Variants in SSRP1 observed in about 807,000 individuals in gnomAD.
SSRP1 encodes the protein structure specific recognition protein 1.
Under a neutral mutation model 84.4 loss-of-function variants are expected in SSRP1, and 21 were observed. The observed-to-expected ratio is 0.25, with a 90% confidence interval of 0.18 to 0.36. The LOEUF (loss-of-function observed/expected upper bound fraction) is 0.36, where lower values mean the gene tolerates loss of function less well. Ranked by LOEUF, SSRP1 falls within the 10% of genes least tolerant of loss-of-function variation. The pLI is 1.00. For missense variants in SSRP1, 519 were observed against 900.8 expected (o/e 0.58, Z 5.43); for synonymous variants, 319 against 318.3 (o/e 1.00, Z -0.02).
intron 12 of SSRP1, 184 bp from the exon 13 acceptor site, chr11:57,328,610 T>C (rs1856030627): frequency 1.3e-6 from 1 of 791,854 alleles, no homozygotes; most frequent in Non-Finnish European, 1.9e-6. Context: ...GCTTCAGCCA[T>C]GCCCTCTCCA....
intron 15 of SSRP1, 101 bp from the exon 16 acceptor site, chr11:57,326,990 A>G: frequency 6.9e-7 from 1 of 1,449,216 alleles, no homozygotes; most frequent in Admixed American, 2.7e-5. Context: ...TCCCAGCCAC[A>G]CAGCCCATTT....
Position 57,332,247 on chromosome 11 carries a change from G to A in SSRP1, c.906C>T (p.Leu302=). The A allele has an allele frequency of 6.2e-7, 1 of 1,614,022 alleles. No homozygotes were observed. Among genetic ancestry groups the A allele is most frequent in the Non-Finnish European group, 8.5e-7 (1 of 1,180,032 alleles). The change falls in exon 8 of 17, where the codon CTC becomes CTT. Residue 302 remains leucine, a synonymous_variant. Transcript: ENST00000278412. The surrounding 1 kb of genome is among the most constrained non-coding windows in gnomAD (Gnocchi z 5.5). The part of the protein sequence containing the change: ...EEVEKRFEGR[L]TKNMSGSLYE... ...AGAGGGATCCTGACATGTTCTTGGTGAGCCGACCCTCAAAGCGCTTCTCCA... is the reference window on the plus strand; with the variant it reads ...AGAGGGATCCTGACATGTTCTTGGTAAGCCGACCCTCAAAGCGCTTCTCCA...
In SSRP1 at chr11:57,328,162, T is replaced by C. The variant is rs1429367233; in HGVS notation, c.1611+135A>G. 3 of 1,383,248 alleles carry C rather than the reference T, an allele frequency of 2.2e-6. No individual in the cohort carries two copies. In the East Asian group the frequency reaches 6.9e-5, roughly 32 times the overall value. 85.7% of individuals were successfully genotyped at this position (1,383,248 alleles called of 1,614,324 possible). On this transcript the variant is annotated intron_variant, in intron 13 of 16. Coordinates refer to ENST00000278412, the MANE Select transcript of SSRP1 (RefSeq NM_003146.3). The stretch of plus-strand genomic sequence containing the variant: ...TCCAAGAAGATAACCCTCAAGGCTA[T>C]AATCACTGGCTATAAAAAACAGCCC...
rs1309158488 is a variant in SSRP1 at position 57,330,224 on chromosome 11, G to T, written c.1435+67C>A. The T allele has an allele frequency of 6.2e-7, 1 of 1,614,014 alleles. No individual in the cohort carries two copies. Among genetic ancestry groups the T allele is most frequent in the Non-Finnish European group, 8.5e-7 (1 of 1,179,992 alleles). ...AGGCACCCAGCTCTGGCCCAAGGGTGAGTCCAGCCCGGGCCACAGCGAGGA... is the reference window on the plus strand; with the variant it reads ...AGGCACCCAGCTCTGGCCCAAGGGTTAGTCCAGCCCGGGCCACAGCGAGGA... On this transcript the variant is annotated intron_variant, in intron 11 of 16. Coordinates refer to ENST00000278412, the MANE Select transcript of SSRP1 (RefSeq NM_003146.3). This position sits in a 1 kb window ranked among gnomAD's most constrained non-coding sequence, Gnocchi z 4.0.
In SSRP1 at chr11:57,327,728, G is replaced by A; in HGVS notation, c.1766C>T (p.Ser589Phe). 6.2e-7 allele frequency: 1 copy of A among 1,613,962 alleles called. No homozygotes were observed. ...KKAGEIWKGM[S>F]KEKKEEWDRK... ...GCTACTCACCTCTTTCTTCTCTTTG[G>A]ACATTCCCTTCCAGATCTCGCCTGC... The change falls in exon 14 of 17, where the codon TCC (serine) becomes TTC (phenylalanine). Residue 589 changes from serine to phenylalanine, a missense_variant. Around this residue, in one of 7 missense-constraint regions of SSRP1, gnomAD observed 197 missense variants for 265.0 expected, o/e 0.74. Coordinates refer to ENST00000278412, the MANE Select transcript of SSRP1 (RefSeq NM_003146.3).
At chr11:57,327,040 C>G in intron 15 of SSRP1, 151 bp from the exon 16 acceptor site, 17 of 1,376,518 alleles carry the variant, frequency 1.2e-5, no homozygotes, top group Non-Finnish European at 1.6e-5. Context: ...TGGAGGGCAC[C>G]AAGGGAGAGT....
rs375535959 is a variant in SSRP1 at position 57,330,962 on chromosome 11, T to C, written c.1224-35A>G. 1.2e-6 allele frequency: 2 copies of C among 1,608,066 alleles called. No individual in the cohort carries two copies. Among genetic ancestry groups the C allele is most frequent in the African/African-American group, 2.7e-5 (2 of 74,872 alleles). Reference sequence around the variant, plus strand: ...GACATGCACCATGTTACCAGAGAGGTAGTGCCAACACAGGGGCACACTAAA... The same window carrying C: ...GACATGCACCATGTTACCAGAGAGGCAGTGCCAACACAGGGGCACACTAAA... On this transcript the variant is annotated intron_variant, in intron 9 of 16. Transcript: ENST00000278412. The surrounding 1 kb of genome is among the most constrained non-coding windows in gnomAD (Gnocchi z 4.0).
chr11:57,329,975 C>G, intron 12 of SSRP1, 118 bp downstream of exon 12: 1 of 1,242,450 alleles, frequency 8.0e-7, no homozygotes. Context: ...CATTGGAGGT[C>G]ACTCTCCCAT....
Position 57,327,487 on chromosome 11 carries a change from T to G in SSRP1, c.1810A>C (p.Arg604=). 1 of 1,614,090 alleles carries G rather than the reference T, an allele frequency of 6.2e-7. No homozygotes were observed. The highest frequency in any genetic ancestry group is 8.5e-7 in the Non-Finnish European group (1 of 1,180,026). Residue 604 remains arginine, a synonymous_variant, in exon 15 of 17, where the codon AGG becomes CGG. Coordinates refer to ENST00000278412, the MANE Select transcript of SSRP1 (RefSeq NM_003146.3). Reference sequence around the variant, plus strand: ...TTCATGGCTTTTTCATAGTCCCTCCTGGCATCCTCAGCCTTGCGATCCCAC... The same window carrying G: ...TTCATGGCTTTTTCATAGTCCCTCCGGGCATCCTCAGCCTTGCGATCCCAC... ...EEWDRKAEDA[R]RDYEKAMKEY... is the part of the protein sequence containing the mutation.
Position 57,334,748 on chromosome 11 carries a change from C to A in SSRP1, c.55-100G>T. 4 of 1,409,348 alleles carry A rather than the reference C, an allele frequency of 2.8e-6. No individual in the cohort carries two copies. In the East Asian group the frequency reaches 9.1e-5, roughly 32 times the overall value. The allele number at this position is 1,409,348 out of a possible 1,614,324, so 87.3% of individuals were successfully genotyped here. On this transcript the variant is annotated intron_variant, in intron 2 of 16. Transcript: ENST00000278412. ...ACATTCCTGCTGCAAGTGGACTGGC[C>A]AGATTATCAATGCAGGAGCAACAGC...
At position 57,330,194 on chromosome 11, in the gene SSRP1, C is replaced by G; in HGVS notation, c.1436-56G>C. 2 of 1,614,192 alleles carry G rather than the reference C, an allele frequency of 1.2e-6. No individual in the cohort carries two copies. Among genetic ancestry groups the G allele is most frequent in the Non-Finnish European group, 8.5e-7 (1 of 1,180,016 alleles). On this transcript the variant is annotated intron_variant, in intron 11 of 16. Coordinates refer to ENST00000278412, the MANE Select transcript of SSRP1 (RefSeq NM_003146.3). The surrounding 1 kb of genome is among the most constrained non-coding windows in gnomAD (Gnocchi z 4.0). ...TGCCCCAATGGAAATCCCCCCACCT[C>G]ACCCAGGCACCCAGCTCTGGCCCAA... is the stretch of plus-strand genomic sequence containing the variant.
In SSRP1 at chr11:57,332,030, T is replaced by C; in HGVS notation, c.1001+122A>G. 1 of 1,551,582 alleles carries C rather than the reference T, an allele frequency of 6.4e-7. No homozygotes were observed. The highest frequency in any genetic ancestry group is 8.8e-7 in the Non-Finnish European group (1 of 1,141,694). ...TTCTGACAGAGGCGCTGGCACCTAT[T>C]GTGACACAAGGTCCCATCCAGGCCT... On this transcript the variant is annotated intron_variant, in intron 8 of 16. Transcript: ENST00000278412. The surrounding 1 kb of genome is among the most constrained non-coding windows in gnomAD (Gnocchi z 5.5).
intron 2 of SSRP1, 75 bp from the exon 3 acceptor site, chr11:57,334,723 A>T (rs1455164846): frequency 6.6e-7 from 1 of 1,526,112 alleles, no homozygotes; most frequent in African/African-American, 1.4e-5. Context: ...TACCTAACAC[A>T]CATTCCTGCT....
At chr11:57,334,962 C>G in intron 2 of SSRP1, 106 bp downstream of exon 2, 2 of 1,353,186 alleles carry the variant, frequency 1.5e-6, no homozygotes, top group South Asian at 2.4e-5. Context: ...TATACTGAGT[C>G]TTCTTTTTCC....
In SSRP1 at chr11:57,327,591, G is replaced by A. The variant is rs1319375293; in HGVS notation, c.1783-77C>T. The stretch of plus-strand genomic sequence containing the variant: ...CCTCTCCCCTGATGCAGGCAAAATC[G>A]ATACAGAAAGTCCCACCAATGGCTC... On this transcript the variant is annotated intron_variant, in intron 14 of 16. Transcript: ENST00000278412. The A allele has an allele frequency of 3.9e-5, 63 of 1,602,972 alleles. No individual in the cohort carries two copies. The Middle Eastern group carries it at 1.2e-3, about 29-fold the overall frequency.
rs950322202 is a variant in SSRP1 at position 57,335,450 on chromosome 11, C to A, written c.-119-210G>T. ...AATACCGCTGACACCCAACCCGACG[C>A]CCGCTCTGGCCGCTCCGGCGGGAGC... On this transcript the variant is annotated intron_variant, in intron 1 of 16. Coordinates refer to ENST00000278412, the MANE Select transcript of SSRP1 (RefSeq NM_003146.3). This position sits in a 1 kb window ranked among gnomAD's most constrained non-coding sequence, Gnocchi z 4.6. The A allele has an allele frequency of 2.4e-5, 8 of 327,452 alleles. No homozygotes were observed. The highest frequency in any genetic ancestry group is 4.2e-5 in the Non-Finnish European group (7 of 166,892). The allele number at this position is 327,452 out of a possible 1,614,324, so 20.3% of individuals were successfully genotyped here. A position where few individuals can be genotyped will look rare whatever the true frequency, so the allele number is the denominator to read the frequency against.
At position 57,328,288 on chromosome 11, in the gene SSRP1, A is replaced by G; in HGVS notation, c.1611+9T>C. 2.5e-6 allele frequency: 4 copies of G among 1,613,854 alleles called. No homozygotes were observed. Among genetic ancestry groups the G allele is most frequent in the Non-Finnish European group, 3.4e-6 (4 of 1,179,846 alleles). On this transcript the variant is annotated intron_variant, in intron 13 of 16. Transcript: ENST00000278412. ...ACCACACACAGGCCCTCCCATCTACAGTCTGCACCTCCACAGGCTTCTTGC... is the reference window on the plus strand; with the variant it reads ...ACCACACACAGGCCCTCCCATCTACGGTCTGCACCTCCACAGGCTTCTTGC...
Position 57,330,627 on chromosome 11 carries a change from C to G in SSRP1, c.1297-198G>C. 3.5e-6 allele frequency: 5 copies of G among 1,439,418 alleles called. No homozygotes were observed. The Middle Eastern group carries it at 1.0e-3, about 287-fold the overall frequency. 89.2% of individuals were successfully genotyped at this position (1,439,418 alleles called of 1,614,324 possible). A position where few individuals can be genotyped will look rare whatever the true frequency, so the allele number is the denominator to read the frequency against. ...CAACTGGGTTAGTCCAAGCCCCAAG[C>G]CCCTCCCTCTCCCAGCCCCACTGGG... On this transcript the variant is annotated intron_variant, in intron 10 of 16. Transcript: ENST00000278412. This position sits in a 1 kb window ranked among gnomAD's most constrained non-coding sequence, Gnocchi z 4.0.
chr11:57,334,570 C>T lies in SSRP1; in HGVS notation c.133G>A (p.Ala45Thr). 1 of 1,614,224 alleles carries T rather than the reference C, an allele frequency of 6.2e-7. No individual in the cohort carries two copies. The highest frequency in any genetic ancestry group is 8.5e-7 in the Non-Finnish European group (1 of 1,180,040). Residue 45 changes from alanine (A) to threonine (T), a missense_variant, in exon 3 of 17, where the codon GCT becomes ACT. Coordinates refer to ENST00000278412, the MANE Select transcript of SSRP1 (RefSeq NM_003146.3). Reference sequence around the variant, plus strand: ...CAGATACCTTCTGTTAACTCCCCAGCCTGGATGTTGTCCACTTTGCCTGTC... The same window carrying T: ...CAGATACCTTCTGTTAACTCCCCAGTCTGGATGTTGTCCACTTTGCCTGTC... Reference protein sequence around the residue: ...SKTGKVDNIQAGELTEGIWRR... With the variant: ...SKTGKVDNIQTGELTEGIWRR...
Sources: gnomAD v4.1 joint callset for allele counts on GRCh38, gnomAD v4.1.1 for gene constraint, gnomAD v4.1.1 regional missense constraint, Gnocchi (gnomAD v3.1) non-coding constraint, MANE v1.5 for transcripts, NCBI Gene and HGNC (gene_info 2026-07-23, HGNC 2026-07-21) for gene names.